The following FMNL2 variants were observed in gnomAD, a reference collection of about 807,000 sequenced individuals.
FMNL2 encodes the protein formin like 2.
FMNL2 carries 51 observed loss-of-function variants against 130.2 expected under a neutral mutation model. That is an observed-to-expected ratio of 0.39 (90% CI 0.31 to 0.49). The LOEUF (loss-of-function observed/expected upper bound fraction) is 0.49, where lower values mean the gene tolerates loss of function less well. Among genes scored for constraint, FMNL2 ranks in the 20% least tolerant of loss-of-function variants. The pLI, the probability that FMNL2 is intolerant of heterozygous loss-of-function variation, is 0.85. For missense variants in FMNL2, 977 were observed against 1,316.2 expected (o/e 0.74, Z 3.99); for synonymous variants, 465 against 467.1 (o/e 1.00, Z 0.06).
chr2:152,591,260 T>C (rs1441395891), intron 9 of FMNL2, among the ~76,000 whole-genome samples: 1 of 152,020 alleles, frequency 6.6e-6, no homozygotes, highest in Non-Finnish European at 1.5e-5. Flanking sequence ...CCGCCCACCT[T>C]GGCTTCCCAA....
chr2:152,642,966 G>A (rs1001492793), intron 25 of FMNL2, among the ~76,000 whole-genome samples: 9 of 151,968 alleles, frequency 5.9e-5, no homozygotes, highest in African/African-American at 2.2e-4. Context: ...CTGAGATCAT[G>A]CCACTGCACT....
chr2:152,603,286 T>C (rs980906156), intron 9 of FMNL2, among the ~76,000 whole-genome samples: 1 of 152,196 alleles, frequency 6.6e-6, no homozygotes, highest in Admixed American at 6.5e-5. Flanking sequence ...GTGGTCACTC[T>C]GTTGCTTTCA....
chr2:152,430,491 A>G (rs570683646), intron 1 of FMNL2, among the ~76,000 whole-genome samples: 1 of 152,378 alleles, frequency 6.6e-6, no homozygotes, highest in South Asian at 2.1e-4. Flanking sequence ...CCTATGGGGT[A>G]CGTTGAAGAC....
At chr2:152,597,543 G>A (rs1257186913) in intron 9 of FMNL2, among the ~76,000 whole-genome samples, 1 of 152,158 alleles carries the variant, frequency 6.6e-6, no homozygotes, top group Admixed American at 6.5e-5. Flanking sequence ...TTTTAAAACT[G>A]AGAATGCGTG....
intron 9 of FMNL2, among the ~76,000 whole-genome samples, chr2:152,601,115 A>G (rs1003204130): frequency 3.9e-5 from 6 of 152,074 alleles, no homozygotes; most frequent in Admixed American, 3.9e-4. Context: ...ACAACTAAGT[A>G]AGTATAAGAA....
intron 1 of FMNL2, chr2:152,390,428 G>A: frequency 8.5e-7 from 1 of 1,183,320 alleles, no homozygotes; most frequent in African/African-American, 1.5e-5. Flanking sequence ...GTGACCCTAA[G>A]ATCAATACCA....
intron 1 of FMNL2, among the ~76,000 whole-genome samples, chr2:152,450,080 G>A (rs566005343): frequency 3.0e-4 from 46 of 152,028 alleles, no homozygotes; most frequent in Middle Eastern, 3.4e-3. Context: ...AAATAGGCCC[G>A]CAAGGAGTTT....
chr2:152,435,260 T>A (rs1687690990), intron 1 of FMNL2, among the ~76,000 whole-genome samples: 1 of 152,172 alleles, frequency 6.6e-6, no homozygotes, highest in African/African-American at 2.4e-5. Context: ...AGTGGGTGGG[T>A]CACTTGAGGC....
chr2:152,586,433 G>A (rs1181846029), intron 9 of FMNL2, among the ~76,000 whole-genome samples: 1 of 152,136 alleles, frequency 6.6e-6, no homozygotes, highest in African/African-American at 2.4e-5. Context: ...GACCAAATTG[G>A]GCAGGAAGGA....
chr2:152,392,036 A>G (rs1685144201), intron 1 of FMNL2, among the ~76,000 whole-genome samples: 3 of 151,772 alleles, frequency 2.0e-5, no homozygotes, highest in Admixed American at 1.3e-4. Flanking sequence ...GCTATTTACA[A>G]TAATTCATTC....
intron 1 of FMNL2, among the ~76,000 whole-genome samples, chr2:152,383,064 G>A (rs1019560951): frequency 1.9e-4 from 29 of 152,152 alleles, no homozygotes; most frequent in African/African-American, 6.0e-4. Context: ...ACTTGATAAT[G>A]ATCATAAACG....
intron 1 of FMNL2, among the ~76,000 whole-genome samples, chr2:152,466,152 G>T (rs1179101264): frequency 1.4e-4 from 21 of 152,182 alleles, no homozygotes; most frequent in Admixed American, 1.4e-3. Flanking sequence ...CATATAGCAG[G>T]TGTGGTAAAC....
intron 25 of FMNL2, among the ~76,000 whole-genome samples, chr2:152,646,992 G>GTGAT (rs1321324523): frequency 6.6e-6 from 1 of 152,142 alleles, no homozygotes. Flanking sequence ...CTGGTATGCA[G>GTGAT]TGATTGACTC....
chr2:152,350,345 G>A (rs1682408016), intron 1 of FMNL2, among the ~76,000 whole-genome samples: 1 of 152,166 alleles, frequency 6.6e-6, no homozygotes, highest in Non-Finnish European at 1.5e-5. Context: ...TCAAGGTGGA[G>A]GCTCAGGAGT....
intron 1 of FMNL2, among the ~76,000 whole-genome samples, chr2:152,355,008 A>G (rs1364379032): frequency 6.6e-6 from 1 of 152,218 alleles, no homozygotes; most frequent in Non-Finnish European, 1.5e-5. Flanking sequence ...TTAGAATAGC[A>G]TGAAAGGAAG....
intron 1 of FMNL2, among the ~76,000 whole-genome samples, chr2:152,447,056 AAAAG>A (rs1462680797): frequency 1.3e-5 from 2 of 152,206 alleles, no homozygotes; most frequent in East Asian, 1.9e-4. Flanking sequence ...GAGTTTAAAA[AAAAG>A]AGACTTTGTC....
At chr2:152,590,660 A>G (rs1029334702) in intron 9 of FMNL2, among the ~76,000 whole-genome samples, 1 of 152,062 alleles carries the variant, frequency 6.6e-6, no homozygotes, top group Non-Finnish European at 1.5e-5. Flanking sequence ...TCAAATAGTT[A>G]TGAAGTGCTG....
Position 152,628,345 on chromosome 2 carries a change from C to T in FMNL2, c.2212C>T (p.Arg738Trp), listed in dbSNP as rs543308996. 7.4e-6 allele frequency: 12 copies of T among 1,613,988 alleles called. No homozygotes were observed. Among genetic ancestry groups the T allele is most frequent in the South Asian group, 3.3e-5 (3 of 91,070 alleles). ...TGTGGACTTTGTGGAATGCTTGATG[C>T]GGTTCCTACCAACTGAGAATGAAGT... ...LPVDFVECLM[R>W]FLPTENEVKV... The change falls in exon 18 of 26, where the codon CGG becomes TGG. Residue 738 changes from arginine (R) to tryptophan (W), a missense_variant. Physicochemically the swap from Arg to Trp is moderately radical, Grantham distance 101. Coordinates refer to ENST00000288670, the MANE Select transcript of FMNL2 (RefSeq NM_052905.4).
At chr2:152,436,806 G>A (rs1687793120) in intron 1 of FMNL2, among the ~76,000 whole-genome samples, 1 of 152,132 alleles carries the variant, frequency 6.6e-6, no homozygotes, top group African/African-American at 2.4e-5. Context: ...CCAGTGATAA[G>A]TTCATAGTAT....
Sources: gnomAD v4.1 joint callset for allele counts (sites outside exome capture counted in the v4.1 genomes callset) on GRCh38, gnomAD v4.1.1 for gene constraint, MANE v1.5 for transcripts, NCBI Gene and HGNC (gene_info 2026-07-23, HGNC 2026-07-21) for gene names.